The following RALGPS1 variants were observed in gnomAD, a reference collection of about 807,000 sequenced individuals.
RALGPS1 encodes the protein ras-specific guanine nucleotide-releasing factor RalGPS1.
RALGPS1 carries 19 observed loss-of-function variants against 78.8 expected under a neutral mutation model. The observed-to-expected ratio is 0.24, with a 90% confidence interval of 0.17 to 0.35. RALGPS1 has a LOEUF of 0.35. RALGPS1 is among the 10% of genes least tolerant of loss of function. The pLI is 1.00. For synonymous variants in RALGPS1, 228 were observed against 256.3 expected, an observed-to-expected ratio of 0.89 and a Z score of 1.06; for missense variants, 454 against 688.3, an observed-to-expected ratio of 0.66 and a Z score of 3.81.
intron 5 of RALGPS1, among the ~76,000 whole-genome samples, chr9:127,037,046 C>G (rs2046922108): frequency 1.3e-5 from 2 of 152,206 alleles, no homozygotes; most frequent in South Asian, 4.1e-4. Context: ...TTTGGCCTCT[C>G]TCAGCCTGGT....
At chr9:126,948,434 T>C (rs1012688797) in intron 1 of RALGPS1, among the ~76,000 whole-genome samples, 1 of 152,086 alleles carries the variant, frequency 6.6e-6, no homozygotes, top group South Asian at 2.1e-4. Flanking sequence ...GGAGAATCGC[T>C]CGCTTGAACC....
chr9:127,075,826 T>TATA (rs1167045451), intron 8 of RALGPS1, among the ~76,000 whole-genome samples: 1 of 152,290 alleles, frequency 6.6e-6, no homozygotes, highest in Non-Finnish European at 1.5e-5. Flanking sequence ...TGGAAGATTC[T>TATA]ATATGCTAAC....
chr9:127,204,147 C>T (rs557367628), intron 14 of RALGPS1, among the ~76,000 whole-genome samples: 1 of 152,272 alleles, frequency 6.6e-6, no homozygotes, highest in South Asian at 2.1e-4. Flanking sequence ...GGAGCTACCA[C>T]ATCTGAGGAA....
chr9:127,123,886 C>T (rs2056393083), intron 8 of RALGPS1, among the ~76,000 whole-genome samples: 1 of 152,156 alleles, frequency 6.6e-6, no homozygotes, highest in African/African-American at 2.4e-5. Context: ...GTTTGCCCCT[C>T]TGCTTGGACA....
At chr9:127,113,130 C>G (rs2055018745) in intron 8 of RALGPS1, among the ~76,000 whole-genome samples, 1 of 152,194 alleles carries the variant, frequency 6.6e-6, no homozygotes, top group Non-Finnish European at 1.5e-5. Flanking sequence ...GAACAGGGCA[C>G]TGTGCTGGGC....
intron 1 of RALGPS1, among the ~76,000 whole-genome samples, chr9:126,923,254 T>C (rs2034943713): frequency 2.0e-5 from 3 of 152,284 alleles, no homozygotes; most frequent in South Asian, 4.1e-4. Flanking sequence ...TGCAGGTAGC[T>C]AGGGCAGGTT....
In RALGPS1 at chr9:127,220,870, C is replaced by T. The variant is rs1437505921; in HGVS notation, c.*2101C>T. The T allele has an allele frequency of 1.3e-5, 2 of 152,594 alleles. No homozygotes were observed. The highest frequency in any genetic ancestry group is 1.3e-4 in the Admixed American group (2 of 15,280). 9.5% of individuals were successfully genotyped at this position (152,594 alleles called of 1,614,324 possible). A position where few individuals can be genotyped will look rare whatever the true frequency, so the allele number is the denominator to read the frequency against. On this transcript the variant is annotated 3_prime_UTR_variant, in exon 19 of 19. Coordinates refer to ENST00000259351, the MANE Select transcript of RALGPS1 (RefSeq NM_014636.3). The stretch of plus-strand genomic sequence containing the variant: ...CTCAGAATTTCAGGCACCACAAAAA[C>T]AGGTAATTTTCTATCCCTTATAAGT...
Position 127,116,401 on chromosome 9 carries a change from C to T in RALGPS1, c.610+47045C>T, listed in dbSNP as rs368703882. 3.9e-5 allele frequency among the ~76,000 whole-genome samples: 6 copies of T among 152,252 alleles called. No homozygotes were observed. In the East Asian group the frequency reaches 5.8e-4, roughly 15 times the overall value. On this transcript the variant is annotated intron_variant, in intron 8 of 18. Coordinates refer to ENST00000259351, the MANE Select transcript of RALGPS1 (RefSeq NM_014636.3). ...ACACTGCTGTTACTTTTTCACAGTG[C>T]GTTATTTGGGAACCATTTTGAGATT...
intron 11 of RALGPS1, among the ~76,000 whole-genome samples, chr9:127,193,314 G>C (rs544617467): frequency 7.2e-5 from 11 of 152,330 alleles, no homozygotes; most frequent in African/African-American, 2.6e-4. Flanking sequence ...TGAAAGGGGT[G>C]GGGTCTTGGA....
intron 4 of RALGPS1, among the ~76,000 whole-genome samples, chr9:127,002,441 T>G (rs1343159967): frequency 7.3e-6 from 1 of 136,604 alleles, no homozygotes; most frequent in Admixed American, 7.2e-5. Context: ...TTCTTTTTTT[T>G]TTTTTTCTTT....
At chr9:127,089,683 A>G (rs79539900) in intron 8 of RALGPS1, among the ~76,000 whole-genome samples, 2,408 of 152,332 alleles carry the variant, frequency 0.016, 67 homozygotes, top group African/African-American at 0.055. Context: ...CCATCCAAAC[A>G]ATTTTTTGTA....
intron 11 of RALGPS1, among the ~76,000 whole-genome samples, chr9:127,190,009 T>C (rs527767017): frequency 2.5e-4 from 38 of 152,354 alleles, no homozygotes; most frequent in Admixed American, 1.8e-3. Flanking sequence ...GAATACCTAT[T>C]GTCCTCACTA....
intron 1 of RALGPS1, among the ~76,000 whole-genome samples, chr9:126,924,915 C>T (rs547721638): frequency 7.2e-5 from 11 of 152,058 alleles, no homozygotes; most frequent in Admixed American, 2.0e-4. Context: ...CACCTGAGGT[C>T]GGGAGTTCAA....
intron 1 of RALGPS1, among the ~76,000 whole-genome samples, chr9:126,944,305 G>A (rs1275565577): frequency 6.6e-6 from 1 of 152,202 alleles, no homozygotes; most frequent in East Asian, 1.9e-4. Context: ...AATGGATGTG[G>A]TCCTATCCTG....
chr9:126,940,093 C>T, intron 1 of RALGPS1, among the ~76,000 whole-genome samples: 1 of 152,182 alleles, frequency 6.6e-6, no homozygotes, highest in East Asian at 1.9e-4. Flanking sequence ...CTCCCAGGCA[C>T]TCCCATTGAG....
intron 11 of RALGPS1, among the ~76,000 whole-genome samples, chr9:127,176,061 A>G (rs2139943732): frequency 6.6e-6 from 1 of 151,858 alleles, no homozygotes. Flanking sequence ...TGCATTGGAC[A>G]AGCCAGACCC....
At chr9:127,184,359 A>G (rs2060497133) in intron 11 of RALGPS1, 1 of 325,530 alleles carries the variant, frequency 3.1e-6, no homozygotes, top group Admixed American at 4.4e-5. Context: ...GGCCCTCTAA[A>G]TGATGTGTGA....
intron 8 of RALGPS1, chr9:127,088,697 T>TAGTCC (rs1245097501): frequency 1.8e-6 from 1 of 559,658 alleles, no homozygotes; most frequent in Non-Finnish European, 3.2e-6. Flanking sequence ...GAGTTGTCTG[T>TAGTCC]AGTCCTGTCC....
In RALGPS1 at chr9:127,219,962, C is replaced by T. The variant is rs1220688272; in HGVS notation, c.*1193C>T. The T allele has an allele frequency of 6.6e-6, 1 of 152,648 alleles. No individual in the cohort carries two copies. Among genetic ancestry groups the T allele is most frequent in the Non-Finnish European group, 1.5e-5 (1 of 68,052 alleles). The allele number at this position is 152,648 out of a possible 1,614,324, so 9.5% of individuals were successfully genotyped here. On this transcript the variant is annotated 3_prime_UTR_variant, in exon 19 of 19. Coordinates refer to ENST00000259351, the MANE Select transcript of RALGPS1 (RefSeq NM_014636.3). This position sits in a 1 kb window ranked among gnomAD's most constrained non-coding sequence, Gnocchi z 5.0. The stretch of plus-strand genomic sequence containing the variant: ...TGACCGTGTGACAATAGAGCGAAGC[C>T]CCGGGGAGTGAACGGTCCAACCTCT...
Sources: allele counts gnomAD v4.1 joint callset (sites outside exome capture counted in the v4.1 genomes callset), GRCh38; gene constraint gnomAD v4.1.1; non-coding constraint Gnocchi (gnomAD v3.1); transcripts MANE v1.5; gene names NCBI Gene and HGNC (gene_info 2026-07-23, HGNC 2026-07-21).